The following NLGN4X variants were observed in gnomAD, a reference collection of about 807,000 sequenced individuals.
NLGN4X encodes neuroligin-4, X-linked.
NLGN4X carries 3 observed loss-of-function variants against 40.3 expected under a neutral mutation model. The ratio of observed to expected loss-of-function variants is 0.07; its 90% CI spans 0.03 to 0.19. NLGN4X has a LOEUF of 0.19. NLGN4X is among the 10% of genes least tolerant of loss of function. The pLI, the probability that NLGN4X is intolerant of heterozygous loss-of-function variation, is 1.00. For synonymous variants in NLGN4X, 270 were observed against 306.8 expected (o/e 0.88, Z 1.25); for missense variants, 382 against 708.3 (o/e 0.54, Z 5.23).
chrX:6,158,844 T>C (rs56055090), intron 1 of NLGN4X, among the ~76,000 whole-genome samples: 12,806 of 111,784 alleles, frequency 0.11, 576 homozygotes, highest in Admixed American at 0.15. Flanking sequence ...CTCCCCCATG[T>C]GTCCATGTGT....
intron 2 of NLGN4X, among the ~76,000 whole-genome samples, chrX:6,098,966 G>A (rs1345716540): frequency 1.8e-5 from 2 of 111,848 alleles, no homozygotes; most frequent in Admixed American, 1.9e-4. Context: ...CCTTGGCACT[G>A]CTGACCTTTT....
chrX:6,072,617 C>A (rs780755376), intron 2 of NLGN4X, among the ~76,000 whole-genome samples: 1 of 111,701 alleles, frequency 9.0e-6, no homozygotes, highest in African/African-American at 3.3e-5. Context: ...ATGTTGCTAG[C>A]ACCTACTCAG....
At chrX:5,983,747 G>C (rs763691254) in intron 3 of NLGN4X, among the ~76,000 whole-genome samples, 12 of 111,898 alleles carry the variant, frequency 1.1e-4, no homozygotes, top group Non-Finnish European at 2.1e-4. Context: ...AGAACAGCCT[G>C]GGCAACAAAG....
At chrX:5,952,308 G>T (rs1421947800) in intron 3 of NLGN4X, among the ~76,000 whole-genome samples, 1 of 111,938 alleles carries the variant, frequency 8.9e-6, no homozygotes, top group Admixed American at 9.5e-5. Context: ...ATTTCCAAAC[G>T]GGATAAACAA....
intron 1 of NLGN4X, among the ~76,000 whole-genome samples, chrX:6,217,080 C>T (rs1925151824): frequency 1.8e-5 from 2 of 112,274 alleles, no homozygotes; most frequent in Admixed American, 1.9e-4. Context: ...CTGTACCCAG[C>T]CACATTTGAA....
chrX:6,091,908 G>T (rs2038649179), intron 2 of NLGN4X, among the ~76,000 whole-genome samples: 1 of 108,662 alleles, frequency 9.2e-6, no homozygotes, highest in African/African-American at 3.4e-5. Context: ...TTCTTCCTTT[G>T]TTCTTTTTTC....
intron 3 of NLGN4X, among the ~76,000 whole-genome samples, chrX:5,966,982 A>C (rs759327988): frequency 8.9e-6 from 1 of 112,120 alleles, no homozygotes; most frequent in East Asian, 2.8e-4. Flanking sequence ...TATAAAATTC[A>C]GCATCAATGT....
At chrX:6,048,674 A>G (rs181341331) in intron 2 of NLGN4X, among the ~76,000 whole-genome samples, 9 of 111,530 alleles carry the variant, frequency 8.1e-5, no homozygotes, top group African/African-American at 2.9e-4. Context: ...ATAAAACAGA[A>G]CAAGATCATG....
chrX:5,966,505 G>A lies in NLGN4X; in HGVS notation c.626-57266C>T, dbSNP rs182035007. ...ATAGTCTGTAAATATTATGCTAAGC[G>A]CATATGTAGAATAGTCAATGACTAC... On this transcript the variant is annotated intron_variant, in intron 3 of 5. Coordinates refer to ENST00000381095, the MANE Select transcript of NLGN4X (RefSeq NM_181332.3). Among the ~76,000 whole-genome samples the A allele has an allele frequency of 8.0e-5, 9 of 112,451 alleles. No individual in the cohort carries two copies. In the East Asian group the frequency reaches 1.7e-3, roughly 21 times the overall value.
chrX:5,997,922 T>C (rs1416166138), intron 3 of NLGN4X, among the ~76,000 whole-genome samples: 2 of 111,210 alleles, frequency 1.8e-5, no homozygotes, highest in East Asian at 5.7e-4. Context: ...CATATACAAG[T>C]CATGTGGAAA....
At chrX:6,227,767 C>T (rs1926512388) in intron 1 of NLGN4X, 1 of 110,670 alleles carries the variant, frequency 9.0e-6, no homozygotes, top group African/African-American at 3.3e-5. Context: ...TAATCAATCA[C>T]GTGCGTTATT....
chrX:6,056,518 G>A (rs1375808924), intron 2 of NLGN4X, among the ~76,000 whole-genome samples: 4 of 111,235 alleles, frequency 3.6e-5, no homozygotes, highest in Admixed American at 2.9e-4. Context: ...TCGTGTAAGT[G>A]CCCTTTTGTT....
intron 2 of NLGN4X, among the ~76,000 whole-genome samples, chrX:6,081,867 C>G (rs2038358173): frequency 8.9e-6 from 1 of 112,265 alleles, no homozygotes; most frequent in Admixed American, 9.4e-5. Context: ...ATTTTCCAGT[C>G]TGGAGGCGGT....
In NLGN4X at chrX:6,218,308, C is replaced by T. The variant is rs138362240; in HGVS notation, c.-306+10233G>A. Reference sequence around the variant, plus strand: ...GTCGGTCTGTTGAAGAAGTTAAAATCGAACTATATAATTACCCTCTGAGAA... The same window carrying T: ...GTCGGTCTGTTGAAGAAGTTAAAATTGAACTATATAATTACCCTCTGAGAA... On this transcript the variant is annotated intron_variant, in intron 1 of 5. Coordinates refer to ENST00000381095, the MANE Select transcript of NLGN4X (RefSeq NM_181332.3). Among the ~76,000 whole-genome samples, 43 of 111,814 alleles carry T rather than the reference C, an allele frequency of 3.8e-4. No individual in the cohort carries two copies. The East Asian group carries it at 0.01, about 27-fold the overall frequency.
chrX:5,982,315 GA>G (rs2035411784), intron 3 of NLGN4X, among the ~76,000 whole-genome samples: 1 of 112,244 alleles, frequency 8.9e-6, no homozygotes, highest in East Asian at 2.8e-4. Flanking sequence ...TTAACTGTCT[GA>G]AATTTCTTTG....
At chrX:6,102,677 C>T (rs12012653) in intron 2 of NLGN4X, among the ~76,000 whole-genome samples, 2 of 64,665 alleles carry the variant, frequency 3.1e-5, no homozygotes, top group African/African-American at 1.4e-4. Context: ...CATACATAGA[C>T]AGATAGATAC....
intron 2 of NLGN4X, among the ~76,000 whole-genome samples, chrX:6,101,912 C>G (rs541846344): frequency 6.4e-5 from 7 of 108,920 alleles, no homozygotes; most frequent in African/African-American, 2.3e-4. Flanking sequence ...CAGGTTCACG[C>G]CATTCTCCTG....
At chrX:6,138,501 G>A (rs751054317) in intron 2 of NLGN4X, among the ~76,000 whole-genome samples, 61 of 111,582 alleles carry the variant, frequency 5.5e-4, no homozygotes, top group Middle Eastern at 4.6e-3. Flanking sequence ...GTCTTTATCG[G>A]TCAGGTTCAA....
At chrX:5,945,387 T>A (rs534461239) in intron 3 of NLGN4X, among the ~76,000 whole-genome samples, 1 of 112,113 alleles carries the variant, frequency 8.9e-6, no homozygotes, top group East Asian at 2.8e-4. Flanking sequence ...AAATGGCATA[T>A]GCTTCTGAAA....
Sources: allele counts gnomAD v4.1 joint callset (sites outside exome capture counted in the v4.1 genomes callset), GRCh38; gene constraint gnomAD v4.1.1; transcripts MANE v1.5; gene names NCBI Gene and HGNC (gene_info 2026-07-23, HGNC 2026-07-21).